Variants in RENBP observed in about 807,000 individuals in gnomAD.
RENBP encodes N-acylglucosamine 2-epimerase.
RENBP carries 16 observed loss-of-function variants against 37.8 expected under a neutral mutation model. The observed-to-expected ratio is 0.42, with a 90% CI of 0.29 to 0.64. The LOEUF (loss-of-function observed/expected upper bound fraction) is 0.64, where lower values mean the gene tolerates loss of function less well. Ranked by LOEUF, RENBP falls within the 30% of genes least tolerant of loss-of-function variation. The probability of loss-of-function intolerance (pLI) is 0.19; values close to 1 mark genes in which losing one functional copy is unlikely to be tolerated. For missense variants in RENBP, 347 were observed against 379.5 expected, an observed-to-expected ratio of 0.91 and a Z score of 0.71; for synonymous variants, 170 against 154.8, an observed-to-expected ratio of 1.10 and a Z score of -0.73.
chrX:153,941,895 C>T, intron 7 of RENBP, 55 bp downstream of exon 7: 1 of 1,048,380 alleles, frequency 9.5e-7, no homozygotes, highest in Non-Finnish European at 1.3e-6. Context: ...GCCCAGAACA[C>T]AAGGCTCAGC....
chrX:153,942,752 TC>T, intron 6 of RENBP, 102 bp downstream of exon 6: 1 of 675,157 alleles, frequency 1.5e-6, no homozygotes, highest in Non-Finnish European at 2.4e-6. Context: ...GGTGGGGACA[TC>T]CCCGAATCTC....
chrX:153,939,958 T>A, intron 9 of RENBP, 144 bp downstream of exon 9: 1 of 764,533 alleles, frequency 1.3e-6, no homozygotes, highest in Non-Finnish European at 1.9e-6. Flanking sequence ...GCTTCTTCGT[T>A]GACTGAACGA....
chrX:153,941,946 T>A lies in RENBP; in HGVS notation c.769+4A>T. 9.1e-6 allele frequency: 3 copies of A among 330,968 alleles called. No individual in the cohort carries two copies. Among genetic ancestry groups the A allele is most frequent in the Non-Finnish European group, 1.4e-5 (3 of 211,854 alleles). The allele number at this position is 330,968 out of a possible 1,213,427, so 27.3% of individuals were successfully genotyped here. The stretch of plus-strand genomic sequence containing the variant: ...GGTGGCCCCCAGCCCACCCCGCCCC[T>A]CACCTGGGTTCTGCTGTCTCCCCAG... On this transcript the variant is annotated splice_donor_region_variant and intron_variant, in intron 7 of 10. Coordinates refer to ENST00000393700, the MANE Select transcript of RENBP (RefSeq NM_002910.6).
chrX:153,944,617 T>C lies in RENBP; in HGVS notation c.-7A>G, dbSNP rs1045513492. ...CTGGGAGACCCTTGCTCATCCCTCCTGCTCCTCTAGGAAGCCAGACAGAGT... is the reference window on the plus strand; with the variant it reads ...CTGGGAGACCCTTGCTCATCCCTCCCGCTCCTCTAGGAAGCCAGACAGAGT... On this transcript the variant is annotated 5_prime_UTR_variant, in exon 1 of 11. Transcript: ENST00000393700. 5 of 1,164,262 alleles carry C rather than the reference T, an allele frequency of 4.3e-6. No individual in the cohort carries two copies. In the African/African-American group the frequency reaches 9.0e-5, roughly 21 times the overall value.
At chrX:153,942,599 C>T in intron 6 of RENBP, 3 of 407,692 alleles carry the variant, frequency 7.4e-6, no homozygotes, top group South Asian at 3.8e-5. Flanking sequence ...GAGGGTGAAA[C>T]ATTGAATGGG....
chrX:153,941,225 T>C (rs2065224914), intron 8 of RENBP, among the ~76,000 whole-genome samples: 1 of 110,765 alleles, frequency 9.0e-6, no homozygotes, highest in African/African-American at 3.3e-5. Flanking sequence ...TTTATTCCTT[T>C]ACTTTCTTAA....
chrX:153,941,925 G>GCGGGC, intron 7 of RENBP, 25 bp downstream of exon 7: 37 of 708,356 alleles, frequency 5.2e-5, no homozygotes, highest in Non-Finnish European at 8.5e-5. Flanking sequence ...CTCCTGGGTG[G>GCGGGC]CCCCCAGCCC....
intron 5 of RENBP, 79 bp downstream of exon 5, chrX:153,943,467 C>T (rs2065236242): frequency 4.9e-6 from 5 of 1,015,698 alleles, no homozygotes; most frequent in Admixed American, 2.6e-5. Context: ...AGGGGACTTG[C>T]GTAGTGAGTG....
chrX:153,936,455 A>G (rs1233929452), intron 9 of RENBP, among the ~76,000 whole-genome samples: 25 of 102,778 alleles, frequency 2.4e-4, no homozygotes, highest in Non-Finnish European at 4.0e-4. Context: ...GCAGTGAGCC[A>G]AGATCGCGCC....
chrX:153,942,244 T>G (rs2065230567), intron 6 of RENBP: 1 of 271,161 alleles, frequency 3.7e-6, no homozygotes, highest in Non-Finnish European at 6.0e-6. Flanking sequence ...TTTTTTTTTT[T>G]TTTTTTTTTT....
chrX:153,936,275 A>T (rs1270844569), intron 9 of RENBP, among the ~76,000 whole-genome samples: 1 of 110,657 alleles, frequency 9.0e-6, no homozygotes, highest in Admixed American at 9.6e-5. Context: ...TGGGAGGCCG[A>T]GGCGGGCGGA....
Position 153,943,623 on chromosome X carries a change from G to T in RENBP, c.385C>A (p.Arg129=), listed in dbSNP as rs1278300580. ...TRDGRPVKVQ[R]TIFSECFYTM... ...TAGAAACACTCACTGAAGATGGTTC[G>T]CTGCACCTTGACCGGGCGGCCGTCC... Residue 129 remains arginine (R), a synonymous_variant, in exon 5 of 11, where the codon CGA becomes AGA. Coordinates refer to ENST00000393700, the MANE Select transcript of RENBP (RefSeq NM_002910.6). 7 of 1,209,955 alleles carry T rather than the reference G, an allele frequency of 5.8e-6. No individual in the cohort carries two copies. The highest frequency in any genetic ancestry group is 2.3e-4 in the Middle Eastern group (1 of 4,374).
At chrX:153,941,139 C>CAA (rs56158998) in intron 8 of RENBP, among the ~76,000 whole-genome samples, 22 of 25,934 alleles carry the variant, frequency 8.5e-4, no homozygotes, top group South Asian at 5.6e-3. Context: ...AACTCCACCT[C>CAA]AAAAAAAAAA....
intron 9 of RENBP, 56 bp from the exon 10 acceptor site, chrX:153,935,632 T>C (rs2065196454): frequency 1.0e-6 from 1 of 999,834 alleles, no homozygotes; most frequent in Admixed American, 2.2e-5. Flanking sequence ...CAGATGCCAC[T>C]GCATCGCTAC....
At chrX:153,938,632 C>G (rs1557108947) in intron 9 of RENBP, among the ~76,000 whole-genome samples, 1 of 110,953 alleles carries the variant, frequency 9.0e-6, no homozygotes, top group East Asian at 2.8e-4. Context: ...TCCTGGGCAG[C>G]AGTCAAGACA....
intron 8 of RENBP, among the ~76,000 whole-genome samples, chrX:153,940,938 G>A (rs2065223294): frequency 1.8e-5 from 2 of 110,410 alleles, no homozygotes; most frequent in South Asian, 3.8e-4. Context: ...TCGGGAGTTC[G>A]AGACCAGCCT....
At chrX:153,943,743 C>T in intron 4 of RENBP, 25 bp from the exon 5 acceptor site, 1 of 1,203,964 alleles carries the variant, frequency 8.3e-7, no homozygotes, top group Non-Finnish European at 1.1e-6. Flanking sequence ...GTTGGCATGC[C>T]AGGGGTAAGG....
At chrX:153,940,703 G>A (rs2065222179) in intron 8 of RENBP, among the ~76,000 whole-genome samples, 1 of 111,851 alleles carries the variant, frequency 8.9e-6, no homozygotes, top group East Asian at 2.8e-4. Flanking sequence ...CCAAGGTGGC[G>A]ACAACAGTGA....
At chrX:153,942,519 G>A (rs1002014393) in intron 6 of RENBP, 4 of 273,326 alleles carry the variant, frequency 1.5e-5, no homozygotes, top group Non-Finnish European at 1.9e-5. Context: ...TTACAGGCAC[G>A]AGCCACCGCG....
Sources: allele counts gnomAD v4.1 joint callset (sites outside exome capture counted in the v4.1 genomes callset), GRCh38; gene constraint gnomAD v4.1.1; transcripts MANE v1.5; gene names NCBI Gene and HGNC (gene_info 2026-07-23, HGNC 2026-07-21).